The following CPAMD8 variants were observed in gnomAD, a reference collection of about 807,000 sequenced individuals.
CPAMD8 encodes C3 and PZP-like alpha-2-macroglobulin domain-containing protein 8.
In CPAMD8, 146 loss-of-function variants were observed where a neutral mutation model predicts 224.7. The observed-to-expected ratio is 0.65, with a 90% confidence interval of 0.57 to 0.75. The LOEUF (loss-of-function observed/expected upper bound fraction) is 0.75. CPAMD8 is among the 30% of genes least tolerant of loss of function. The probability of loss-of-function intolerance (pLI) is 0.00; values close to 1 mark genes in which losing one functional copy is unlikely to be tolerated. For missense variants in CPAMD8, 2,301 were observed against 2,537.5 expected (o/e 0.91, Z 2.00); for synonymous variants, 966 against 1,044.6 (o/e 0.92, Z 1.45).
intron 23 of CPAMD8, among the ~76,000 whole-genome samples, chr19:16,935,322 C>T (rs912807521): frequency 2.6e-5 from 4 of 152,072 alleles, no homozygotes; most frequent in Non-Finnish European, 5.9e-5. Flanking sequence ...TATGTAGGTA[C>T]ACGAATCCAC....
chr19:16,893,239 G>A lies in CPAMD8; in HGVS notation c.5527C>T (p.Gln1843Ter), dbSNP rs754397162. The A allele has an allele frequency of 2.0e-5, 31 of 1,576,358 alleles. No individual in the cohort carries two copies. Among genetic ancestry groups the A allele is most frequent in the Non-Finnish European group, 2.7e-5 (31 of 1,159,824 alleles). The change falls in exon 42 of 42, where the codon CAG becomes TAG. Residue 1843 changes from glutamine (Q) to a stop codon, truncating the protein, a stop_gained. Coordinates refer to ENST00000443236, the MANE Select transcript of CPAMD8 (RefSeq NM_015692.5). LOFTEE classifies it low-confidence loss of function (END_TRUNC). Reference protein sequence around the residue: ...FHRWGQTPAPQRHSGRVVGAH... With the variant: ...FHRWGQTPAP ...CCCACCACCCGGCCACTATGTCTCT[G>A]AGGGGCCGGAGTCTGGCCCCATCTG...
intron 19 of CPAMD8, among the ~76,000 whole-genome samples, chr19:16,954,130 G>C (rs2054386145): frequency 6.6e-6 from 1 of 151,908 alleles, no homozygotes; most frequent in Non-Finnish European, 1.5e-5. Context: ...CATTCTTTTG[G>C]GTATACACCC....
At chr19:16,983,621 A>G (rs2055593871) in intron 13 of CPAMD8, among the ~76,000 whole-genome samples, 1 of 152,100 alleles carries the variant, frequency 6.6e-6, no homozygotes, top group Non-Finnish European at 1.5e-5. Context: ...TTCAGATTGG[A>G]GGAGACCAAG....
At chr19:16,940,237 C>A (rs1269059886) in intron 22 of CPAMD8, among the ~76,000 whole-genome samples, 2 of 152,184 alleles carry the variant, frequency 1.3e-5, no homozygotes, top group Admixed American at 1.3e-4. Context: ...TTGCAGAGGG[C>A]AGCTTGTAAA....
intron 18 of CPAMD8, among the ~76,000 whole-genome samples, chr19:16,970,312 T>C (rs945126525): frequency 3.3e-5 from 5 of 149,972 alleles, no homozygotes; most frequent in African/African-American, 1.2e-4. Context: ...CCAGGCCAGG[T>C]ACAGTGACTC....
chr19:17,016,399 G>A (rs73499186), intron 3 of CPAMD8, among the ~76,000 whole-genome samples: 3,378 of 152,218 alleles, frequency 0.022, 129 homozygotes, highest in African/African-American at 0.077. Flanking sequence ...GTCTTCTAAC[G>A]TGTGGTGGCC....
At chr19:17,000,371 C>A in intron 10 of CPAMD8, 43 bp downstream of exon 10, 1 of 774,594 alleles carries the variant, frequency 1.3e-6, no homozygotes. Flanking sequence ...GGAGGTGAAC[C>A]TGGGGGTTGG....
rs535804856 is a variant in CPAMD8 at position 17,009,598 on chromosome 19, T to C, written c.487-278A>G. 4.5e-5 allele frequency: 13 copies of C among 288,008 alleles called. No individual in the cohort carries two copies. In the East Asian group the frequency reaches 8.4e-4, roughly 19 times the overall value. The allele number at this position is 288,008 out of a possible 1,614,324, so 17.8% of individuals were successfully genotyped here. ...GACCACCCTGGCTAACACCGTGAAATCCCGTCTCTACAAAAAATAGAAAAA... is the reference window on the plus strand; with the variant it reads ...GACCACCCTGGCTAACACCGTGAAACCCCGTCTCTACAAAAAATAGAAAAA... On this transcript the variant is annotated intron_variant, in intron 5 of 41. Coordinates refer to ENST00000443236, the MANE Select transcript of CPAMD8 (RefSeq NM_015692.5).
chr19:16,911,946 T>A (rs1337493046), intron 29 of CPAMD8, among the ~76,000 whole-genome samples: 2 of 152,156 alleles, frequency 1.3e-5, no homozygotes, highest in African/African-American at 4.8e-5. Context: ...CCCAAAGTGC[T>A]GAGATTACAG....
At chr19:16,989,436 A>G (rs912868175) in intron 13 of CPAMD8, among the ~76,000 whole-genome samples, 1 of 152,006 alleles carries the variant, frequency 6.6e-6, no homozygotes, top group Non-Finnish European at 1.5e-5. Flanking sequence ...ACAGGCACGC[A>G]CCACCACACT....
At chr19:16,993,737 A>G in intron 11 of CPAMD8, 151 bp from the exon 12 acceptor site, 2 of 732,788 alleles carry the variant, frequency 2.7e-6, no homozygotes, top group South Asian at 3.8e-5. Flanking sequence ...CATCGCAACG[A>G]GTTCCAAATC....
At chr19:16,951,827 T>A in intron 20 of CPAMD8, 142 bp downstream of exon 20, 65 of 612,154 alleles carry the variant, frequency 1.1e-4, no homozygotes, top group Middle Eastern at 3.8e-4. Context: ...CACCCATCCC[T>A]GCCTCCTCAA....
chr19:16,995,296 G>T (rs1478277572), intron 11 of CPAMD8, among the ~76,000 whole-genome samples: 1 of 152,256 alleles, frequency 6.6e-6, no homozygotes, highest in Non-Finnish European at 1.5e-5. Flanking sequence ...CAGGGCCAGG[G>T]ATGTGGCCCA....
At chr19:16,977,325 A>G (rs1166933557) in intron 15 of CPAMD8, 43 bp downstream of exon 15, 6 of 1,437,912 alleles carry the variant, frequency 4.2e-6, no homozygotes, top group Non-Finnish European at 1.9e-6. Context: ...AGAAGCCCCG[A>G]TGGCCCCTGG....
intron 2 of CPAMD8, 136 bp from the exon 3 acceptor site, chr19:17,020,489 T>C (rs2056925982): frequency 1.5e-6 from 1 of 671,502 alleles, no homozygotes; most frequent in South Asian, 1.7e-5. Flanking sequence ...TGGGTCATGC[T>C]GGCCTGGACT....
intron 12 of CPAMD8, among the ~76,000 whole-genome samples, chr19:16,990,863 C>CAAAAAAAAAAAAAAAAAAAA (rs3067791): frequency 3.1e-4 from 23 of 73,174 alleles, no homozygotes; most frequent in Non-Finnish European, 4.9e-4. Flanking sequence ...AACTCTGTCT[C>CAAAAAAAAAAAAAAAAAAAA]AAAAAAAAAA....
At chr19:16,992,563 T>C (rs2055992157) in intron 12 of CPAMD8, among the ~76,000 whole-genome samples, 1 of 152,156 alleles carries the variant, frequency 6.6e-6, no homozygotes, top group Non-Finnish European at 1.5e-5. Context: ...GCAATTCTCC[T>C]GCCTCAGTCT....
intron 13 of CPAMD8, among the ~76,000 whole-genome samples, chr19:16,983,178 G>A (rs1274406196): frequency 5.3e-5 from 8 of 152,248 alleles, no homozygotes; most frequent in East Asian, 3.9e-4. Context: ...CAAGGCAAGC[G>A]GATCACCTAA....
intron 22 of CPAMD8, among the ~76,000 whole-genome samples, chr19:16,945,074 T>C (rs2122233017): frequency 6.6e-6 from 1 of 152,242 alleles, no homozygotes; most frequent in Admixed American, 6.5e-5. Context: ...AAAGCCAGGA[T>C]GCTTCCCGAG....
Sources: gnomAD v4.1 joint callset for allele counts (sites outside exome capture counted in the v4.1 genomes callset) on GRCh38, gnomAD v4.1.1 for gene constraint, MANE v1.5 for transcripts, NCBI Gene and HGNC (gene_info 2026-07-23, HGNC 2026-07-21) for gene names.